Variants in ATRX observed in about 807,000 individuals in gnomAD.
ATRX encodes the protein ATRX chromatin remodeler, also known as chromatin remodeler ATRX.
ATRX carries 12 observed loss-of-function variants against 172.6 expected under a neutral mutation model. That is an observed-to-expected ratio of 0.07 (90% CI 0.04 to 0.11). ATRX has a LOEUF of 0.11. Ranked by LOEUF, ATRX falls within the 10% of genes least tolerant of loss-of-function variation. The pLI is 1.00. For synonymous variants in ATRX, 674 were observed against 594.7 expected (o/e 1.13, Z -1.94); for missense variants, 1,368 against 1,767.4 (o/e 0.77, Z 4.05).
intron 1 of ATRX, among the ~76,000 whole-genome samples, chrX:77,777,996 C>T (rs1180152652): frequency 9.2e-6 from 1 of 108,854 alleles, no homozygotes; most frequent in African/African-American, 3.4e-5. Flanking sequence ...ACTAGCCAGG[C>T]ATGGTGGCTC....
chrX:77,725,903 C>A (rs1273502152), intron 1 of ATRX, among the ~76,000 whole-genome samples: 2 of 112,276 alleles, frequency 1.8e-5, no homozygotes, highest in Admixed American at 1.9e-4. Flanking sequence ...CAGACAAATG[C>A]AAATCAAAAC....
intron 10 of ATRX, among the ~76,000 whole-genome samples, chrX:77,669,696 AT>A (rs200551856): frequency 4.4e-4 from 48 of 109,043 alleles, no homozygotes; most frequent in East Asian, 3.1e-3. Flanking sequence ...TCAAGCTTTA[AT>A]TTTTTTTTTA....
At position 77,565,779 on chromosome X, in the gene ATRX, C is replaced by G. The variant is rs1303823810; in HGVS notation, c.6327-6933G>C. ...GCTGAGGCATGAGAATTGCTTGAACCTGGAAGGTGGAGTGTGCAGTGAGCT... is the reference window on the plus strand; with the variant it reads ...GCTGAGGCATGAGAATTGCTTGAACGTGGAAGGTGGAGTGTGCAGTGAGCT... On this transcript the variant is annotated intron_variant, in intron 28 of 34. Coordinates refer to ENST00000373344, the MANE Select transcript of ATRX (RefSeq NM_000489.6). Among the ~76,000 whole-genome samples, 6 of 110,380 alleles carry G rather than the reference C, an allele frequency of 5.4e-5. No homozygotes were observed. In the East Asian group the frequency reaches 1.7e-3, roughly 32 times the overall value.
At chrX:77,627,914 T>TC (rs1557104027) in intron 19 of ATRX, among the ~76,000 whole-genome samples, 1 of 111,140 alleles carries the variant, frequency 9.0e-6, no homozygotes, top group African/African-American at 3.3e-5. Flanking sequence ...ATGAAATGTT[T>TC]GTTACCTTAT....
chrX:77,688,994 A>C, intron 6 of ATRX, 67 bp from the exon 7 acceptor site: 1 of 885,762 alleles, frequency 1.1e-6, no homozygotes, highest in Non-Finnish European at 1.7e-6. Flanking sequence ...TTTAGTCAGC[A>C]TTTTGTAACT....
chrX:77,509,060 G>A (rs1207417162), intron 34 of ATRX, among the ~76,000 whole-genome samples: 1 of 111,905 alleles, frequency 8.9e-6, no homozygotes, highest in Non-Finnish European at 1.9e-5. Context: ...TATCTCAAAT[G>A]TACTAATATA....
chrX:77,641,250 T>C (rs1044551031), intron 15 of ATRX, among the ~76,000 whole-genome samples: 1 of 110,038 alleles, frequency 9.1e-6, no homozygotes, highest in Admixed American at 9.7e-5. Context: ...AATAATGAAA[T>C]AGGCAGACAA....
chrX:77,647,355 A>T (rs1557114363), intron 15 of ATRX, among the ~76,000 whole-genome samples: 1 of 112,172 alleles, frequency 8.9e-6, no homozygotes, highest in East Asian at 2.8e-4. Flanking sequence ...CACCTTAAGG[A>T]ACCAGAAAAG....
At chrX:77,643,658 T>C (rs782145756) in intron 15 of ATRX, among the ~76,000 whole-genome samples, 1 of 110,499 alleles carries the variant, frequency 9.0e-6, no homozygotes, top group Admixed American at 9.7e-5. Flanking sequence ...GCTCAAGCTA[T>C]CCTCCTACCT....
chrX:77,714,623 G>T (rs1279902099), intron 2 of ATRX, among the ~76,000 whole-genome samples: 1 of 111,504 alleles, frequency 9.0e-6, no homozygotes, highest in East Asian at 2.8e-4. Flanking sequence ...CAGGATGCAT[G>T]GAGAACAGAA....
intron 1 of ATRX, among the ~76,000 whole-genome samples, chrX:77,720,693 C>G (rs1348203408): frequency 3.6e-5 from 4 of 111,501 alleles, no homozygotes; most frequent in African/African-American, 9.8e-5. Flanking sequence ...AATAGCCTAC[C>G]GATCAAAATA....
intron 3 of ATRX, 69 bp downstream of exon 3, chrX:77,698,505 G>T: frequency 2.0e-6 from 2 of 979,206 alleles, no homozygotes; most frequent in African/African-American, 1.9e-5. Flanking sequence ...GTGTCCAGAA[G>T]CAATCTAAAG....
chrX:77,626,410 A>C (rs1204300331), intron 19 of ATRX, among the ~76,000 whole-genome samples: 1 of 110,028 alleles, frequency 9.1e-6, no homozygotes, highest in East Asian at 2.9e-4. Flanking sequence ...ACCAAATACC[A>C]CCTGTACCCC....
At chrX:77,747,100 G>GA (rs35491223) in intron 1 of ATRX, among the ~76,000 whole-genome samples, 1 of 111,178 alleles carries the variant, frequency 9.0e-6, no homozygotes, top group Admixed American at 9.6e-5. Flanking sequence ...CGCCCGGCCT[G>GA]AAAAAATCCT....
intron 5 of ATRX, among the ~76,000 whole-genome samples, chrX:77,694,347 T>C (rs2072065702): frequency 9.0e-6 from 1 of 111,673 alleles, no homozygotes. Context: ...CATCCTATTT[T>C]CATAATCCAA....
chrX:77,522,525 C>T (rs2063264798), intron 31 of ATRX, 137 bp from the exon 32 acceptor site: 5 of 703,582 alleles, frequency 7.1e-6, no homozygotes, highest in Non-Finnish European at 1.1e-5. Flanking sequence ...AAACAAAACA[C>T]CCTTTTCACC....
chrX:77,762,176 C>T (rs1288284082), intron 1 of ATRX, among the ~76,000 whole-genome samples: 1 of 108,628 alleles, frequency 9.2e-6, no homozygotes, highest in Admixed American at 1.0e-4. Context: ...TGGTGGCAGG[C>T]GCCTGTAGTC....
intron 22 of ATRX, 165 bp downstream of exon 22, chrX:77,616,448 C>T (rs1293315376): frequency 8.7e-7 from 1 of 1,145,932 alleles, no homozygotes; most frequent in Admixed American, 2.5e-5. Context: ...ATTTTGACAG[C>T]ATCAGTGTTT....
At chrX:77,643,719 C>T in intron 15 of ATRX, among the ~76,000 whole-genome samples, 1 of 110,533 alleles carries the variant, frequency 9.0e-6, no homozygotes, top group Non-Finnish European at 1.9e-5. Flanking sequence ...CACGCAGCTA[C>T]TTTTAAATTT....
Sources: allele counts gnomAD v4.1 joint callset (sites outside exome capture counted in the v4.1 genomes callset), GRCh38; gene constraint gnomAD v4.1.1; transcripts MANE v1.5; gene names NCBI Gene and HGNC (gene_info 2026-07-23, HGNC 2026-07-21).